The following SRRM3 variants were observed in gnomAD, a reference collection of about 807,000 sequenced individuals.
The protein encoded by SRRM3 is serine/arginine repetitive matrix protein 3.
Under a neutral mutation model 66.2 loss-of-function variants are expected in SRRM3, and 27 were observed. The observed-to-expected ratio is 0.41, with a 90% CI of 0.30 to 0.56. The LOEUF is 0.56. Among genes scored for constraint, SRRM3 ranks in the 20% least tolerant of loss-of-function variants. SRRM3 has a pLI of 0.32. For missense variants in SRRM3, 918 were observed against 991.9 expected (o/e 0.93, Z 1.00); for synonymous variants, 391 against 414.9 (o/e 0.94, Z 0.70).
At chr7:76,235,943 T>A (rs147344961) in intron 2 of SRRM3, among the ~76,000 whole-genome samples, 2,288 of 139,498 alleles carry the variant, frequency 0.016, 69 homozygotes, top group African/African-American at 0.06. Flanking sequence ...GAGGCGGAGG[T>A]TGCAGTGAGC....
At position 76,281,652 on chromosome 7, in the gene SRRM3, G is replaced by A; in HGVS notation, c.1220G>A (p.Gly407Asp). 1.0e-6 allele frequency: 1 copy of A among 976,586 alleles called. No individual in the cohort carries two copies. Among genetic ancestry groups the A allele is most frequent in the Non-Finnish European group, 1.2e-6 (1 of 824,264 alleles). 60.5% of individuals were successfully genotyped at this position (976,586 alleles called of 1,614,324 possible). A position where few individuals can be genotyped will look rare whatever the true frequency, so the allele number is the denominator to read the frequency against. The change falls in exon 12 of 15, where the codon GGT (glycine) becomes GAT (aspartate). Residue 407 changes from glycine to aspartate, a missense_variant. Gly to Asp is a moderately conservative substitution (Grantham distance 94). Transcript: ENST00000611745. The stretch of plus-strand genomic sequence containing the variant: ...TCGGCGTCCGCGCCCCGCCGCAGGG[G>A]TCGCCGGCGCCCCCGGCCCGCGCCC... ...RSSASAPRRR[G>D]RRRPRPAPPR...
chr7:76,280,518 G>T (rs1030004097), intron 11 of SRRM3, among the ~76,000 whole-genome samples: 1 of 151,480 alleles, frequency 6.6e-6, no homozygotes, highest in Non-Finnish European at 1.5e-5. Context: ...CGTCCCATCG[G>T]GGGGGCAATG....
chr7:76,243,930 G>A (rs1801372930), intron 2 of SRRM3, among the ~76,000 whole-genome samples: 1 of 152,186 alleles, frequency 6.6e-6, no homozygotes, highest in South Asian at 2.1e-4. Context: ...TTCTTCCTGG[G>A]TGCCAGGCTC....
chr7:76,265,541 G>A (rs1310921764), intron 10 of SRRM3, 73 bp downstream of exon 10: 4 of 1,224,570 alleles, frequency 3.3e-6, no homozygotes, highest in East Asian at 2.6e-5. Flanking sequence ...CCCAAGGGCT[G>A]GGGAGCAGGG....
chr7:76,204,306 G>A (rs1200114804), intron 1 of SRRM3, among the ~76,000 whole-genome samples: 1 of 152,274 alleles, frequency 6.6e-6, no homozygotes, highest in East Asian at 1.9e-4. Context: ...GGGGAGGTTA[G>A]AGAAGCCCAG....
chr7:76,283,320 G>A (rs1802580678), intron 14 of SRRM3, among the ~76,000 whole-genome samples: 1 of 151,932 alleles, frequency 6.6e-6, no homozygotes, highest in Non-Finnish European at 1.5e-5. Context: ...AGAGAGACAG[G>A]TGCAGGAGGC....
At chr7:76,204,353 C>T (rs147132867) in intron 1 of SRRM3, among the ~76,000 whole-genome samples, 321 of 152,338 alleles carry the variant, frequency 2.1e-3, no homozygotes, top group Non-Finnish European at 3.8e-3. Context: ...CACTGAGCCT[C>T]TGCCCATGGT....
At chr7:76,207,159 A>G (rs1366679866) in intron 1 of SRRM3, among the ~76,000 whole-genome samples, 1 of 152,140 alleles carries the variant, frequency 6.6e-6, no homozygotes, top group Non-Finnish European at 1.5e-5. Context: ...AAAATTAGCC[A>G]TGTGTGGTGG....
chr7:76,266,110 C>A (rs1480732644), intron 10 of SRRM3, among the ~76,000 whole-genome samples: 1 of 76,736 alleles, frequency 1.3e-5, no homozygotes, highest in Non-Finnish European at 2.0e-5. Flanking sequence ...CCTCGTGATC[C>A]GCCCGCCTCG....
rs782792029 is a variant in SRRM3 at position 76,267,314 on chromosome 7, G to A, written c.887G>A (p.Gly296Glu). 17 of 1,549,038 alleles carry A rather than the reference G, an allele frequency of 1.1e-5. No homozygotes were observed. The African/African-American group carries it at 2.2e-4, about 20-fold the overall frequency. ...GRKTGSQRSS[G>E]SRSPSPSGGS... ...AAGACGGGCAGCCAGCGGTCCAGCGGAAGCCGGTCGCCTTCCCCGTCGGGC... is the reference window on the plus strand; with the variant it reads ...AAGACGGGCAGCCAGCGGTCCAGCGAAAGCCGGTCGCCTTCCCCGTCGGGC... Residue 296 changes from glycine to glutamate, a missense_variant, in exon 11 of 15, where the codon GGA becomes GAA. Transcript: ENST00000611745.
chr7:76,280,375 C>G (rs1423211455), intron 11 of SRRM3, among the ~76,000 whole-genome samples: 1 of 150,162 alleles, frequency 6.7e-6, no homozygotes, highest in East Asian at 2.0e-4. Flanking sequence ...CCCCCTCCCC[C>G]ATCTGTGTGC....
At chr7:76,261,687 T>G in intron 8 of SRRM3, 106 bp downstream of exon 8, 1 of 1,269,968 alleles carries the variant, frequency 7.9e-7, no homozygotes, top group Non-Finnish European at 1.1e-6. Flanking sequence ...GGCTCCATCC[T>G]TCAGCTCCAG....
At chr7:76,239,883 G>A (rs2117008574) in intron 2 of SRRM3, among the ~76,000 whole-genome samples, 1 of 152,074 alleles carries the variant, frequency 6.6e-6, no homozygotes. Flanking sequence ...ATAAAAAATT[G>A]CTGGGCGTGG....
intron 1 of SRRM3, among the ~76,000 whole-genome samples, chr7:76,220,902 C>T (rs535126272): frequency 2.6e-5 from 4 of 152,222 alleles, no homozygotes; most frequent in East Asian, 1.9e-4. Context: ...CTCCCCCCAC[C>T]GCGTCTTCTG....
intron 3 of SRRM3, among the ~76,000 whole-genome samples, chr7:76,253,506 C>A (rs74486204): frequency 0.32 from 48,744 of 151,262 alleles, 8,878 homozygotes; most frequent in East Asian, 0.6. Context: ...CTGTAGTCTC[C>A]GCTACTCGGG....
chr7:76,284,438 A>G (rs1802607706), intron 14 of SRRM3, among the ~76,000 whole-genome samples: 1 of 152,118 alleles, frequency 6.6e-6, no homozygotes, highest in Admixed American at 6.5e-5. Context: ...TTGGCCTCCC[A>G]AAGTGGTGGG....
chr7:76,283,086 C>A lies in SRRM3; in HGVS notation c.1718C>A (p.Pro573Gln). The A allele has an allele frequency of 6.9e-7, 1 of 1,455,960 alleles. No homozygotes were observed. Among genetic ancestry groups the A allele is most frequent in the Non-Finnish European group, 9.0e-7 (1 of 1,112,242 alleles). The allele number at this position is 1,455,960 out of a possible 1,614,324, so 90.2% of individuals were successfully genotyped here. Reference sequence around the variant, plus strand: ...CGGGACTCGCCAAGCTTCATGGAGCCGCGGCGCATCACCAGGTATGGAGGG... The same window carrying A: ...CGGGACTCGCCAAGCTTCATGGAGCAGCGGCGCATCACCAGGTATGGAGGG... Reference protein sequence around the residue: ...RRRDSPSFMEPRRITSARKRP... With the variant: ...RRRDSPSFMEQRRITSARKRP... Residue 573 changes from proline (P) to glutamine (Q), a missense_variant, in exon 14 of 15, where the codon CCG (proline) becomes CAG (glutamine). Pro to Gln is a moderately conservative substitution (Grantham distance 76, BLOSUM62 -1). Coordinates refer to ENST00000611745, the MANE Select transcript of SRRM3 (RefSeq NM_001110199.3).
chr7:76,222,335 G>A (rs1800744920), intron 1 of SRRM3, among the ~76,000 whole-genome samples: 1 of 150,356 alleles, frequency 6.7e-6, no homozygotes, highest in Admixed American at 6.7e-5. Flanking sequence ...GATCACTTGA[G>A]CCCAAGAGGT....
chr7:76,265,442 C>T lies in SRRM3; in HGVS notation c.804C>T (p.His268=), dbSNP rs376317472. 256 of 1,605,108 alleles carry T rather than the reference C, an allele frequency of 1.6e-4. 1 individual carries two copies. The South Asian group carries it at 2.1e-3, about 13-fold the overall frequency. Residue 268 remains histidine (H), a synonymous_variant, in exon 10 of 15, where the codon CAC becomes CAT. Transcript: ENST00000611745. ...GSSHSPSLSS[H]YSDSRSPSRL... is the part of the protein sequence containing the mutation. Reference sequence around the variant, plus strand: ...CCCACAGCCCCTCCCTCTCCTCCCACTACAGTGATTCCAGATCTCCCAGCA... The same window carrying T: ...CCCACAGCCCCTCCCTCTCCTCCCATTACAGTGATTCCAGATCTCCCAGCA...
Sources: allele counts gnomAD v4.1 joint callset (sites outside exome capture counted in the v4.1 genomes callset), GRCh38; gene constraint gnomAD v4.1.1; transcripts MANE v1.5; gene names NCBI Gene and HGNC (gene_info 2026-07-23, HGNC 2026-07-21).